NXPH1: variants seen among roughly 807,000 people sequenced by gnomAD.
NXPH1 encodes neurexophilin 1.
Under a neutral mutation model 23.7 loss-of-function variants are expected in NXPH1, and 5 were observed. That is an observed-to-expected ratio of 0.21 (90% CI 0.11 to 0.44). The LOEUF is 0.44. NXPH1 is among the 20% of genes least tolerant of loss of function. NXPH1 has a pLI of 0.99. For missense variants in NXPH1, 324 were observed against 321.6 expected, an observed-to-expected ratio of 1.01 and a Z score of -0.06; for synonymous variants, 144 against 122.2, an observed-to-expected ratio of 1.18 and a Z score of -1.18.
At chr7:8,510,925 A>AT (rs1470993432) in intron 2 of NXPH1, among the ~76,000 whole-genome samples, 1 of 151,910 alleles carries the variant, frequency 6.6e-6, no homozygotes, top group Non-Finnish European at 1.5e-5. Flanking sequence ...GTTTCCATTT[A>AT]TTTTGTCATG....
At chr7:8,564,635 G>A (rs1818508116) in intron 2 of NXPH1, among the ~76,000 whole-genome samples, 1 of 151,824 alleles carries the variant, frequency 6.6e-6, no homozygotes, top group Admixed American at 6.6e-5. Flanking sequence ...TCAAGAAGGA[G>A]GGAAAAGAAT....
intron 2 of NXPH1, among the ~76,000 whole-genome samples, chr7:8,676,941 A>G (rs1453886214): frequency 6.6e-6 from 1 of 152,322 alleles, no homozygotes; most frequent in Middle Eastern, 3.4e-3. Context: ...TTATGCAGAA[A>G]TGCTAACCCT....
chr7:8,543,177 C>G (rs1047008962), intron 2 of NXPH1, among the ~76,000 whole-genome samples: 2 of 151,524 alleles, frequency 1.3e-5, no homozygotes, highest in Non-Finnish European at 1.5e-5. Flanking sequence ...TACTATAAAA[C>G]TCTTCATTGA....
chr7:8,638,013 C>T (rs536177229), intron 2 of NXPH1, among the ~76,000 whole-genome samples: 63 of 152,238 alleles, frequency 4.1e-4, no homozygotes, highest in African/African-American at 1.5e-3. Context: ...AATAAAAAGT[C>T]AGCTAAAGAA....
intron 2 of NXPH1, among the ~76,000 whole-genome samples, chr7:8,516,473 A>G (rs911204808): frequency 6.6e-6 from 1 of 152,188 alleles, no homozygotes; most frequent in African/African-American, 2.4e-5. Flanking sequence ...TTTGCTGATT[A>G]GGAATTAAAT....
At chr7:8,575,999 G>A (rs1818747282) in intron 2 of NXPH1, among the ~76,000 whole-genome samples, 1 of 152,112 alleles carries the variant, frequency 6.6e-6, no homozygotes, top group African/African-American at 2.4e-5. Flanking sequence ...TTTATCATCT[G>A]TAAAAACTTC....
chr7:8,580,148 G>A (rs1429813866), intron 2 of NXPH1, among the ~76,000 whole-genome samples: 4 of 152,196 alleles, frequency 2.6e-5, no homozygotes, highest in Non-Finnish European at 5.9e-5. Context: ...GTAAGGATAT[G>A]GACGGGACTT....
rs142216723 is a variant in NXPH1, at chr7:8,598,639, A to G, written c.55-152369A>G. 7.8e-3 allele frequency among the ~76,000 whole-genome samples: 1,187 copies of G among 152,308 alleles called. 13 individuals are homozygous for G. The highest frequency in any genetic ancestry group is 0.044 in the Middle Eastern group (13 of 294). On this transcript the variant is annotated intron_variant, in intron 2 of 2. Transcript: ENST00000405863. ...AGAAACCTTTTTTATTGAGTGAACC[A>G]TAAGTATATTTGTACAGCGTCAGTA...
chr7:8,514,546 G>A (rs1410226241), intron 2 of NXPH1, among the ~76,000 whole-genome samples: 2 of 152,072 alleles, frequency 1.3e-5, no homozygotes, highest in African/African-American at 4.8e-5. Context: ...GCTACCTCAG[G>A]ATGGTAGATA....
chr7:8,686,794 A>G (rs1821151819), intron 2 of NXPH1, among the ~76,000 whole-genome samples: 1 of 152,126 alleles, frequency 6.6e-6, no homozygotes, highest in Non-Finnish European at 1.5e-5. Flanking sequence ...CTTCAAACCA[A>G]CTTAATATTA....
intron 2 of NXPH1, among the ~76,000 whole-genome samples, chr7:8,729,985 G>A (rs1275186257): frequency 6.6e-6 from 1 of 151,716 alleles, no homozygotes; most frequent in Non-Finnish European, 1.5e-5. Context: ...AAGTCTCTTT[G>A]TAGGTCACTC....
intron 2 of NXPH1, among the ~76,000 whole-genome samples, chr7:8,489,608 G>T (rs1326801735): frequency 6.6e-6 from 1 of 151,912 alleles, no homozygotes; most frequent in Non-Finnish European, 1.5e-5. Context: ...AGCCAACATT[G>T]GCCCATCTGA....
intron 2 of NXPH1, among the ~76,000 whole-genome samples, chr7:8,704,017 T>C (rs1459964606): frequency 4.6e-5 from 7 of 152,034 alleles, no homozygotes; most frequent in Non-Finnish European, 8.8e-5. Flanking sequence ...GAATGAAAAA[T>C]TTTGCTAATT....
At chr7:8,524,552 T>C (rs1817832783) in intron 2 of NXPH1, among the ~76,000 whole-genome samples, 1 of 152,192 alleles carries the variant, frequency 6.6e-6, no homozygotes, top group Non-Finnish European at 1.5e-5. Flanking sequence ...GGACTTTTGT[T>C]TAAAATGACA....
At chr7:8,567,096 A>G (rs1047204587) in intron 2 of NXPH1, among the ~76,000 whole-genome samples, 1 of 151,758 alleles carries the variant, frequency 6.6e-6, no homozygotes, top group Non-Finnish European at 1.5e-5. Context: ...TTCATTATAC[A>G]CTTCCTACTA....
intron 2 of NXPH1, among the ~76,000 whole-genome samples, chr7:8,727,132 C>A (rs1305159890): frequency 1.4e-5 from 2 of 146,976 alleles, no homozygotes. Context: ...GCATAAATGT[C>A]TTCTTTTGAG....
intron 2 of NXPH1, among the ~76,000 whole-genome samples, chr7:8,591,673 C>T (rs999639333): frequency 6.6e-6 from 1 of 151,934 alleles, no homozygotes; most frequent in Non-Finnish European, 1.5e-5. Flanking sequence ...TCTGAGGAGT[C>T]AGAACTTTAA....
At chr7:8,585,912 T>A (rs1213469099) in intron 2 of NXPH1, among the ~76,000 whole-genome samples, 1 of 152,136 alleles carries the variant, frequency 6.6e-6, no homozygotes, top group African/African-American at 2.4e-5. Flanking sequence ...AATAGGTGGG[T>A]TCTTGGCTAG....
rs766578514 is a variant in NXPH1, at chr7:8,507,194, G to T, written c.54+71427G>T. Among the ~76,000 whole-genome samples the T allele has an allele frequency of 8.6e-5, 13 of 151,764 alleles. No individual in the cohort carries two copies. The East Asian group carries it at 2.5e-3, about 29-fold the overall frequency. On this transcript the variant is annotated intron_variant, in intron 2 of 2. Coordinates refer to ENST00000405863, the MANE Select transcript of NXPH1 (RefSeq NM_152745.3). Reference sequence around the variant, plus strand: ...GCTATGGGTTATATTTGGGGGTGGCGTGGGGAGAAGGAAGTGTCTGAATGA... The same window carrying T: ...GCTATGGGTTATATTTGGGGGTGGCTTGGGGAGAAGGAAGTGTCTGAATGA...
Sources: allele counts gnomAD v4.1 joint callset (sites outside exome capture counted in the v4.1 genomes callset), GRCh38; gene constraint gnomAD v4.1.1; transcripts MANE v1.5; gene names NCBI Gene and HGNC (gene_info 2026-07-23, HGNC 2026-07-21).